LAMA2: variants seen among roughly 807,000 people sequenced by gnomAD.
LAMA2 encodes laminin subunit alpha-2.
Under a neutral mutation model 364.8 loss-of-function variants are expected in LAMA2, and 269 were observed. That is an observed-to-expected ratio of 0.74 (90% CI 0.67 to 0.82). The LOEUF (loss-of-function observed/expected upper bound fraction) is 0.82, where lower values mean the gene tolerates loss of function less well. Ranked by LOEUF, LAMA2 falls within the 40% of genes least tolerant of loss-of-function variation. The pLI, the probability that LAMA2 is intolerant of heterozygous loss-of-function variation, is 0.00. For missense variants in LAMA2, 3,807 were observed against 3,873.2 expected (o/e 0.98, Z 0.45); for synonymous variants, 1,379 against 1,370.6 (o/e 1.01, Z -0.14).
rs561505229 is a variant in LAMA2 at position 129,381,433 on chromosome 6, CTTAG to C, written c.4960-1683_4960-1680del. 4.5e-3 allele frequency among the ~76,000 whole-genome samples: 691 copies of C among 151,936 alleles called. 4 individuals carry two copies. Among genetic ancestry groups the C allele is most frequent in the South Asian group, 0.025 (121 of 4,810 alleles). On this transcript the variant is annotated intron_variant, in intron 34 of 64. Coordinates refer to ENST00000421865, the MANE Select transcript of LAMA2 (RefSeq NM_000426.4). The stretch of plus-strand genomic sequence containing the variant: ...CTCGGCTCACTGCCAAGCTGTTGAC[CTTAG>C]TTAGTGATTCAGAAGTAACATTTAA...
At chr6:129,147,263 C>CT (rs1235782919) in intron 6 of LAMA2, among the ~76,000 whole-genome samples, 11 of 118,276 alleles carry the variant, frequency 9.3e-5, no homozygotes, top group Non-Finnish European at 1.3e-4. Context: ...ATTAGTTTTT[C>CT]CTTTTTTTTT....
intron 31 of LAMA2, among the ~76,000 whole-genome samples, chr6:129,352,408 G>A (rs1776901054): frequency 6.6e-6 from 1 of 152,124 alleles, no homozygotes; most frequent in African/African-American, 2.4e-5. Flanking sequence ...TATTTTGTTT[G>A]CATATCATTA....
chr6:129,090,268 C>T (rs1278006178), intron 3 of LAMA2, among the ~76,000 whole-genome samples: 1 of 152,180 alleles, frequency 6.6e-6, no homozygotes, highest in African/African-American at 2.4e-5. Context: ...CCACATCCTA[C>T]TCCACCCCTC....
At chr6:128,992,570 TG>T (rs1364244517) in intron 1 of LAMA2, among the ~76,000 whole-genome samples, 1 of 152,188 alleles carries the variant, frequency 6.6e-6, no homozygotes, top group Non-Finnish European at 1.5e-5. Context: ...AAATCTCTTT[TG>T]GGTTTCAGGA....
intron 12 of LAMA2, among the ~76,000 whole-genome samples, chr6:129,195,093 T>C (rs919846903): frequency 2.0e-5 from 3 of 152,234 alleles, no homozygotes; most frequent in African/African-American, 7.2e-5. Context: ...ATCCTTCCTC[T>C]GCTTTTTTAG....
intron 48 of LAMA2, 77 bp downstream of exon 48, chr6:129,456,571 G>A (rs1419297147): frequency 7.6e-7 from 1 of 1,316,190 alleles, no homozygotes; most frequent in African/African-American, 1.5e-5. Flanking sequence ...GAGAAGGTAT[G>A]ATAAAGCTCT....
chr6:129,359,880 A>C (rs981832810), intron 32 of LAMA2, among the ~76,000 whole-genome samples: 1 of 152,092 alleles, frequency 6.6e-6, no homozygotes, highest in African/African-American at 2.4e-5. Context: ...GTAGAAATGC[A>C]GTATTTTGTG....
At chr6:128,978,581 G>C (rs913927460) in intron 1 of LAMA2, among the ~76,000 whole-genome samples, 1 of 152,062 alleles carries the variant, frequency 6.6e-6, no homozygotes, top group Non-Finnish European at 1.5e-5. Flanking sequence ...CTCCCAAAGT[G>C]CTGGGATTAC....
chr6:128,907,948 C>T (rs1451427410), intron 1 of LAMA2, among the ~76,000 whole-genome samples: 8 of 151,952 alleles, frequency 5.3e-5, no homozygotes, highest in Non-Finnish European at 7.4e-5. Context: ...TACTGATTTG[C>T]GTATATTGAA....
In LAMA2 at chr6:129,297,728, G is replaced by C; in HGVS notation, c.2900G>C (p.Cys967Ser). The C allele has an allele frequency of 1.2e-6, 2 of 1,614,094 alleles. No homozygotes were observed. The highest frequency in any genetic ancestry group is 1.7e-6 in the Non-Finnish European group (2 of 1,179,986). ...GLQSARGCVPCNCNSFGSKSF... is the reference protein window; with the variant it reads ...GLQSARGCVPSNCNSFGSKSF... ...CAATCAGCAAGGGGCTGTGTTCCCT[G>C]CAACTGCAATTCTTTTGGGTCTAAG... The change falls in exon 21 of 65, where the codon TGC becomes TCC. Residue 967 changes from cysteine to serine, a missense_variant. Physicochemically the swap from Cys to Ser is moderately radical, Grantham distance 112 (BLOSUM62 -1). This residue lies in a region of LAMA2 where 3,333 missense variants were observed against 3,345.7 expected (regional missense o/e 1.00). Coordinates refer to ENST00000421865, the MANE Select transcript of LAMA2 (RefSeq NM_000426.4).
intron 3 of LAMA2, among the ~76,000 whole-genome samples, chr6:129,068,801 T>C (rs1773106618): frequency 6.6e-6 from 1 of 152,234 alleles, no homozygotes; most frequent in Non-Finnish European, 1.5e-5. Context: ...TTAATTATTT[T>C]AACTCTTCTT....
At chr6:129,483,062 G>A (rs1424523759) in intron 55 of LAMA2, among the ~76,000 whole-genome samples, 2 of 101,910 alleles carry the variant, frequency 2.0e-5, no homozygotes, top group Non-Finnish European at 1.8e-5. Flanking sequence ...GTGAGACTCC[G>A]ACTCGAAAAA....
intron 22 of LAMA2, among the ~76,000 whole-genome samples, chr6:129,309,834 G>A (rs1178693355): frequency 6.6e-6 from 1 of 151,454 alleles, no homozygotes; most frequent in Non-Finnish European, 1.5e-5. Flanking sequence ...CCTTTCTACT[G>A]ATTAGCAATA....
chr6:129,141,257 T>A (rs562861750), intron 4 of LAMA2, among the ~76,000 whole-genome samples: 42 of 151,998 alleles, frequency 2.8e-4, no homozygotes, highest in Non-Finnish European at 5.4e-4. Context: ...TATTTATCCA[T>A]TCTTTTAACA....
At chr6:128,974,855 T>G in intron 1 of LAMA2, among the ~76,000 whole-genome samples, 1 of 125,542 alleles carries the variant, frequency 8.0e-6, no homozygotes, top group East Asian at 2.0e-4. Flanking sequence ...GAGTAACAAT[T>G]TTTTTTTTTT....
intron 22 of LAMA2, among the ~76,000 whole-genome samples, chr6:129,311,183 G>A (rs1774202233): frequency 1.3e-5 from 2 of 151,708 alleles, no homozygotes; most frequent in African/African-American, 4.8e-5. Context: ...GTGCAGTGGC[G>A]CGATCTCGGC....
rs1332683097 is a variant in LAMA2, at chr6:129,440,970, T to C, written c.6240T>C (p.Asn2080=). ...NKLADSVAKT[N]AVVKDPSKNK... ...TAGCAGACAGCGTCGCCAAAACGAA[T>C]GCTGTGGTTAAAGATCCTTCCAAGA... Residue 2080 remains asparagine, a synonymous_variant, in exon 43 of 65, where the codon AAT becomes AAC. Transcript: ENST00000421865. The C allele has an allele frequency of 6.2e-7, 1 of 1,613,764 alleles. No individual in the cohort carries two copies. Among genetic ancestry groups the C allele is most frequent in the African/African-American group, 1.3e-5 (1 of 75,022 alleles).
At chr6:129,373,736 G>A (rs996681069) in intron 34 of LAMA2, among the ~76,000 whole-genome samples, 2 of 152,078 alleles carry the variant, frequency 1.3e-5, no homozygotes, top group South Asian at 4.1e-4. Context: ...TCCCTCAATT[G>A]GGGTTTGCCT....
intron 12 of LAMA2, among the ~76,000 whole-genome samples, chr6:129,239,858 G>A (rs1026423560): frequency 6.6e-6 from 1 of 152,106 alleles, no homozygotes; most frequent in Non-Finnish European, 1.5e-5. Context: ...TTTCTGGAGG[G>A]ACAGAACTAA....
Sources: allele counts gnomAD v4.1 joint callset (sites outside exome capture counted in the v4.1 genomes callset), GRCh38; gene constraint gnomAD v4.1.1; regional missense constraint gnomAD v4.1.1; transcripts MANE v1.5; gene names NCBI Gene and HGNC (gene_info 2026-07-23, HGNC 2026-07-21).